The following HPN variants were observed in gnomAD, a reference collection of about 807,000 sequenced individuals.
HPN encodes the protein serine protease hepsin.
A neutral mutation model predicts 55.9 loss-of-function variants in HPN; 13 were observed. The observed-to-expected ratio is 0.23, with a 90% CI of 0.15 to 0.37. The LOEUF (loss-of-function observed/expected upper bound fraction) is 0.37, where lower values mean the gene tolerates loss of function less well. HPN is among the 10% of genes least tolerant of loss of function. The pLI is 1.00. For missense variants in HPN, 451 were observed against 575.8 expected (o/e 0.78, Z 2.22); for synonymous variants, 225 against 240.3 (o/e 0.94, Z 0.59).
intron 2 of HPN, among the ~76,000 whole-genome samples, chr19:35,044,479 G>A (rs1158040739): frequency 2.6e-5 from 4 of 152,168 alleles, no homozygotes; most frequent in Non-Finnish European, 5.9e-5. Flanking sequence ...ACCAGGCAGG[G>A]GTGGGACTGT....
chr19:35,051,459 T>G (rs2064404610), intron 4 of HPN, among the ~76,000 whole-genome samples: 1 of 152,162 alleles, frequency 6.6e-6, no homozygotes, highest in Non-Finnish European at 1.5e-5. Context: ...TTGCCCAGTC[T>G]GATCTTGAAC....
chr19:35,047,070 T>C (rs981267664), intron 2 of HPN, among the ~76,000 whole-genome samples: 8 of 152,156 alleles, frequency 5.3e-5, no homozygotes, highest in African/African-American at 1.9e-4. Flanking sequence ...CCTCGTGATC[T>C]GCCCACCTCG....
intron 5 of HPN, 28 bp downstream of exon 5, chr19:35,059,830 G>C (rs2064505340): frequency 6.5e-7 from 1 of 1,530,744 alleles, no homozygotes; most frequent in Non-Finnish European, 8.8e-7. Flanking sequence ...AGGGGTGGGA[G>C]CCGGGAGGGG....
At chr19:35,052,943 A>G (rs2064419705) in intron 4 of HPN, among the ~76,000 whole-genome samples, 2 of 152,186 alleles carry the variant, frequency 1.3e-5, no homozygotes. Flanking sequence ...GCCACCCTGC[A>G]GAGGTATTTG....
At chr19:35,066,070 G>C (rs767993324) in intron 12 of HPN, 38 bp downstream of exon 12, 3 of 1,609,896 alleles carry the variant, frequency 1.9e-6, no homozygotes, top group Non-Finnish European at 2.5e-6. Context: ...GGGTGGGGAC[G>C]TTTGGGTGTC....
At chr19:35,050,142 GA>G (rs1253897561) in intron 4 of HPN, among the ~76,000 whole-genome samples, 1 of 152,014 alleles carries the variant, frequency 6.6e-6, no homozygotes, top group Non-Finnish European at 1.5e-5. Context: ...TTTTAAAAAA[GA>G]AAAAAGTCTT....
rs1383728030 is a variant in HPN at position 35,044,673 on chromosome 19, A to G, written c.16+2151A>G. Among the ~76,000 whole-genome samples the G allele has an allele frequency of 2.6e-5, 4 of 152,172 alleles. No individual in the cohort carries two copies. The East Asian group carries it at 7.7e-4, about 29-fold the overall frequency. On this transcript the variant is annotated intron_variant, in intron 2 of 12. Coordinates refer to ENST00000672452, the MANE Select transcript of HPN (RefSeq NM_001384133.1). ...TGGTTGTCTGAGAATTGGGGGAAAC[A>G]TACTCCCAAATCTCTGAAAGCCATG...
intron 4 of HPN, 148 bp downstream of exon 4, chr19:35,049,664 T>C (rs774727146): frequency 5.2e-6 from 4 of 770,490 alleles, no homozygotes; most frequent in African/African-American, 1.7e-5. Flanking sequence ...GTGCCTGCTA[T>C]GTACCAGGCA....
chr19:35,056,717 G>A lies in HPN; in HGVS notation c.161-2956G>A, dbSNP rs113145281. ...TATAATGTGGTTTGCCGAAAGCAAAGCCCAGGACTGTCTCGGCCATCTGTG... is the reference window on the plus strand; with the variant it reads ...TATAATGTGGTTTGCCGAAAGCAAAACCCAGGACTGTCTCGGCCATCTGTG... On this transcript the variant is annotated intron_variant, in intron 4 of 12. Coordinates refer to ENST00000672452, the MANE Select transcript of HPN (RefSeq NM_001384133.1). Among the ~76,000 whole-genome samples, 913 of 152,264 alleles carry A rather than the reference G, an allele frequency of 6.0e-3. 3 individuals are homozygous for A. The highest frequency in any genetic ancestry group is 0.02 in the African/African-American group (847 of 41,550).
At chr19:35,052,622 T>A (rs1356608814) in intron 4 of HPN, among the ~76,000 whole-genome samples, 1 of 151,878 alleles carries the variant, frequency 6.6e-6, no homozygotes, top group Non-Finnish European at 1.5e-5. Context: ...CTCCTGAAAT[T>A]CTTTCTTGAA....
At chr19:35,052,857 A>T (rs2064418857) in intron 4 of HPN, among the ~76,000 whole-genome samples, 2 of 152,152 alleles carry the variant, frequency 1.3e-5, no homozygotes, top group African/African-American at 2.4e-5. Context: ...CACTGGGATG[A>T]ACTAGAGAGT....
chr19:35,064,109 T>A (rs1246155751), intron 9 of HPN, among the ~76,000 whole-genome samples: 1 of 151,878 alleles, frequency 6.6e-6, no homozygotes, highest in Non-Finnish European at 1.5e-5. Flanking sequence ...TTATTTCCAT[T>A]CTACATCTGA....
chr19:35,058,242 C>G (rs191423080), intron 4 of HPN, among the ~76,000 whole-genome samples: 2 of 150,644 alleles, frequency 1.3e-5, no homozygotes, highest in Non-Finnish European at 3.0e-5. Context: ...TGCAGTGGCA[C>G]GATCTTGGCT....
At chr19:35,041,700 C>A, upstream of HPN, 1 of 1,122,326 alleles carries the variant, frequency 8.9e-7, no homozygotes, top group Admixed American at 4.3e-5. Flanking sequence ...ACCCGCCCCT[C>A]GCCCAGCCCC....
chr19:35,044,353 C>G (rs554856380), intron 2 of HPN, among the ~76,000 whole-genome samples: 3 of 152,200 alleles, frequency 2.0e-5, no homozygotes, highest in African/African-American at 7.2e-5. Flanking sequence ...AAGGCTCTTG[C>G]TCTTCTCTGG....
At position 35,065,912 on chromosome 19, in the gene HPN, G is replaced by C. The variant is rs1568364838; in HGVS notation, c.1095G>C (p.Arg365=). ...TTGTGTGTGAGGACAGCATCTCTCG[G>C]ACGCCACGTTGGCGGCTGTGTGGCA... The part of the protein sequence containing the change: ...GPFVCEDSIS[R]TPRWRLCGIV... Residue 365 remains arginine, a synonymous_variant, in exon 12 of 13, where the codon CGG becomes CGC. Transcript: ENST00000672452. The C allele has an allele frequency of 6.2e-7, 1 of 1,614,140 alleles. No individual in the cohort carries two copies.
upstream of HPN, chr19:35,041,616 C>G (rs2064294090): frequency 2.6e-6 from 3 of 1,150,400 alleles, no homozygotes; most frequent in Non-Finnish European, 3.2e-6. Flanking sequence ...GTCCAGCCCC[C>G]ACAAGCCCGG....
At chr19:35,043,481 G>A (rs73040323) in intron 2 of HPN, among the ~76,000 whole-genome samples, 18,996 of 152,238 alleles carry the variant, frequency 0.12, 1,504 homozygotes, top group Middle Eastern at 0.27. Flanking sequence ...CTGGGCAGAC[G>A]GCGTGTTCTC....
Position 35,065,546 on chromosome 19 carries a change from G to A in HPN, c.915G>A (p.Gln305=), listed in dbSNP as rs1185329683. 2 of 1,614,038 alleles carry A rather than the reference G, an allele frequency of 1.2e-6. No homozygotes were observed. Among genetic ancestry groups the A allele is most frequent in the South Asian group, 1.1e-5 (1 of 91,086 alleles). The part of the protein sequence containing the change: ...GWGNTQYYGQ[Q]AGVLQEARVP... ...TTGCCTGCACACCCCCAGGCCAACA[G>A]GCCGGGGTACTCCAGGAGGCTCGAG... The change falls in exon 11 of 13, where the codon CAG becomes CAA. Residue 305 remains glutamine (Q), a synonymous_variant. Transcript: ENST00000672452.
Sources: allele counts gnomAD v4.1 joint callset (sites outside exome capture counted in the v4.1 genomes callset), GRCh38; gene constraint gnomAD v4.1.1; transcripts MANE v1.5; gene names NCBI Gene and HGNC (gene_info 2026-07-23, HGNC 2026-07-21).